Variants in CNTNAP2 observed in about 807,000 individuals in gnomAD.
CNTNAP2 encodes the protein contactin associated protein 2, also known as contactin-associated protein-like 2.
CNTNAP2 carries 98 observed loss-of-function variants against 155.2 expected under a neutral mutation model. The observed-to-expected ratio is 0.63, with a 90% CI of 0.54 to 0.75. The LOEUF is 0.75. Among genes scored for constraint, CNTNAP2 ranks in the 30% least tolerant of loss-of-function variants. The pLI is 0.00. For missense variants in CNTNAP2, 1,727 were observed against 1,688.1 expected (o/e 1.02, Z -0.40); for synonymous variants, 651 against 631.2 (o/e 1.03, Z -0.47).
At chr7:147,399,366 A>C (rs1174324377) in intron 10 of CNTNAP2, among the ~76,000 whole-genome samples, 1 of 152,182 alleles carries the variant, frequency 6.6e-6, no homozygotes, top group Non-Finnish European at 1.5e-5. Context: ...TGCCATTATA[A>C]TCCAGGTGAG....
intron 8 of CNTNAP2, among the ~76,000 whole-genome samples, chr7:147,252,368 A>G (rs1804218898): frequency 6.6e-6 from 1 of 152,206 alleles, no homozygotes; most frequent in Non-Finnish European, 1.5e-5. Context: ...AATTATTTTC[A>G]GGAAGGGCTG....
chr7:147,860,490 T>C lies in CNTNAP2; in HGVS notation c.2099-43075T>C, dbSNP rs866251237. 2.0e-5 allele frequency among the ~76,000 whole-genome samples: 3 copies of C among 151,232 alleles called. No homozygotes were observed. In the South Asian group the frequency reaches 6.3e-4, roughly 32 times the overall value. ...CTATAATCCCAGCTACTCGGGAAGC[T>C]GAGGCATGAGAATCACTTGAACCCA... On this transcript the variant is annotated intron_variant, in intron 13 of 23. Coordinates refer to ENST00000361727, the MANE Select transcript of CNTNAP2 (RefSeq NM_014141.6).
intron 1 of CNTNAP2, among the ~76,000 whole-genome samples, chr7:146,575,845 A>G (rs905811039): frequency 6.6e-6 from 1 of 152,246 alleles, no homozygotes; most frequent in Non-Finnish European, 1.5e-5. Flanking sequence ...ATTGTAACCC[A>G]CAAATATCAA....
intron 1 of CNTNAP2, among the ~76,000 whole-genome samples, chr7:146,224,454 A>G (rs975073093): frequency 6.6e-6 from 1 of 151,654 alleles, no homozygotes; most frequent in African/African-American, 2.4e-5. Flanking sequence ...AACCCAAAAA[A>G]CTAAGATTTG....
intron 1 of CNTNAP2, among the ~76,000 whole-genome samples, chr7:146,547,183 G>T (rs1798041992): frequency 6.6e-6 from 1 of 151,862 alleles, no homozygotes; most frequent in Admixed American, 6.6e-5. Context: ...TAAGAGTCTG[G>T]TATTCTTATA....
chr7:146,305,006 T>C (rs528231269), intron 1 of CNTNAP2, among the ~76,000 whole-genome samples: 2 of 152,240 alleles, frequency 1.3e-5, no homozygotes, highest in South Asian at 4.1e-4. Context: ...TCTTCTCACT[T>C]CATTTCATTC....
At chr7:146,993,343 G>A (rs557568698) in intron 3 of CNTNAP2, among the ~76,000 whole-genome samples, 7 of 152,206 alleles carry the variant, frequency 4.6e-5, no homozygotes, top group South Asian at 2.1e-4. Flanking sequence ...ACTTGTATGC[G>A]TGCTCAGGTG....
intron 1 of CNTNAP2, among the ~76,000 whole-genome samples, chr7:146,686,832 A>G (rs1053294142): frequency 3.9e-5 from 6 of 152,168 alleles, no homozygotes; most frequent in Non-Finnish European, 8.8e-5. Context: ...AATTTTCAGC[A>G]AAGCTTTGGA....
chr7:146,468,636 G>T lies in CNTNAP2; in HGVS notation c.98-305635G>T, dbSNP rs77018978. Reference sequence around the variant, plus strand: ...AAATGCTCAACACATAGTTTTTTTTGTTTGTTTGTTTGTTTTTAAAGAATT... The same window carrying T: ...AAATGCTCAACACATAGTTTTTTTTTTTTGTTTGTTTGTTTTTAAAGAATT... On this transcript the variant is annotated intron_variant, in intron 1 of 23. Transcript: ENST00000361727. Among the ~76,000 whole-genome samples, 328 of 151,966 alleles carry T rather than the reference G, an allele frequency of 2.2e-3. 2 individuals are homozygous for T. Among genetic ancestry groups the T allele is most frequent in the East Asian group, 0.017 (88 of 5,162 alleles).
At chr7:147,381,947 A>G (rs1382965133) in intron 9 of CNTNAP2, among the ~76,000 whole-genome samples, 1 of 152,018 alleles carries the variant, frequency 6.6e-6, no homozygotes, top group Admixed American at 6.6e-5. Flanking sequence ...AACATTCTAA[A>G]CCTTAAATAT....
At chr7:146,258,593 G>A (rs903255399) in intron 1 of CNTNAP2, among the ~76,000 whole-genome samples, 2 of 152,078 alleles carry the variant, frequency 1.3e-5, no homozygotes, top group African/African-American at 4.8e-5. Context: ...ATATAGTGAT[G>A]GATCAAATAT....
chr7:146,630,263 T>C (rs916259257), intron 1 of CNTNAP2, among the ~76,000 whole-genome samples: 1 of 152,156 alleles, frequency 6.6e-6, no homozygotes, highest in Non-Finnish European at 1.5e-5. Flanking sequence ...GTTAGTTTTC[T>C]GAGAATGATG....
At chr7:148,314,898 G>A (rs893556007) in intron 21 of CNTNAP2, among the ~76,000 whole-genome samples, 1 of 152,162 alleles carries the variant, frequency 6.6e-6, no homozygotes, top group Non-Finnish European at 1.5e-5. Flanking sequence ...GGAGTTTTGG[G>A]TCCACAGATA....
At chr7:148,190,856 GA>G (rs1187967353) in intron 18 of CNTNAP2, 2 of 14,760 alleles carry the variant, frequency 1.4e-4, no homozygotes, top group Non-Finnish European at 2.8e-4. Flanking sequence ...GGGAAAGACA[GA>G]GAGAGAGAGA....
chr7:148,337,068 C>G (rs1376553155), intron 21 of CNTNAP2, among the ~76,000 whole-genome samples: 1 of 151,922 alleles, frequency 6.6e-6, no homozygotes, highest in Non-Finnish European at 1.5e-5. Context: ...CATTCATTCC[C>G]GAAATATTTA....
chr7:147,784,491 A>G (rs1456312660), intron 13 of CNTNAP2, among the ~76,000 whole-genome samples: 15 of 69,446 alleles, frequency 2.2e-4, no homozygotes, highest in Admixed American at 1.2e-3. Context: ...TGGGCTCTGG[A>G]CTAATATATA....
At chr7:147,978,449 C>T (rs1801468890) in intron 15 of CNTNAP2, among the ~76,000 whole-genome samples, 1 of 152,034 alleles carries the variant, frequency 6.6e-6, no homozygotes, top group Non-Finnish European at 1.5e-5. Flanking sequence ...TTATTGCTAT[C>T]AAACTTCATC....
At chr7:146,184,004 C>T (rs1798587550) in intron 1 of CNTNAP2, among the ~76,000 whole-genome samples, 1 of 151,616 alleles carries the variant, frequency 6.6e-6, no homozygotes, top group Admixed American at 6.6e-5. Context: ...TTGGGACTTC[C>T]CCCTAGGTCT....
At chr7:146,483,510 CGTGT>C (rs201996558) in intron 1 of CNTNAP2, among the ~76,000 whole-genome samples, 2 of 145,750 alleles carry the variant, frequency 1.4e-5, no homozygotes, top group Non-Finnish European at 3.0e-5. Context: ...TGTGTGTGTG[CGTGT>C]GTGTGTGTGT....
Sources: gnomAD v4.1 joint callset for allele counts (sites outside exome capture counted in the v4.1 genomes callset) on GRCh38, gnomAD v4.1.1 for gene constraint, MANE v1.5 for transcripts, NCBI Gene and HGNC (gene_info 2026-07-23, HGNC 2026-07-21) for gene names.